Variants in SLC4A4 observed in about 807,000 individuals in gnomAD.
SLC4A4 encodes the protein solute carrier family 4 member 4.
SLC4A4 carries 27 observed loss-of-function variants against 111.5 expected under a neutral mutation model. That is an observed-to-expected ratio of 0.24 (90% CI 0.18 to 0.33). The LOEUF (loss-of-function observed/expected upper bound fraction) is 0.33. SLC4A4 is among the 10% of genes least tolerant of loss of function. The pLI is 1.00. For synonymous variants in SLC4A4, 443 were observed against 463.4 expected (o/e 0.96, Z 0.57); for missense variants, 909 against 1,315.5 (o/e 0.69, Z 4.78).
chr4:71,157,562 T>C (rs1201537482), intron 2 of SLC4A4, among the ~76,000 whole-genome samples: 1 of 151,282 alleles, frequency 6.6e-6, no homozygotes, highest in Non-Finnish European at 1.5e-5. Flanking sequence ...TATTTTTGCA[T>C]ACATTATAGA....
At chr4:71,151,701 T>C (rs903113992) in intron 2 of SLC4A4, among the ~76,000 whole-genome samples, 6 of 151,284 alleles carry the variant, frequency 4.0e-5, no homozygotes, top group East Asian at 1.9e-4. Flanking sequence ...GGAGGATCAC[T>C]TGACCCCGGG....
chr4:71,131,402 T>G (rs1455413450), intron 2 of SLC4A4, among the ~76,000 whole-genome samples: 1 of 152,204 alleles, frequency 6.6e-6, no homozygotes, highest in Non-Finnish European at 1.5e-5. Flanking sequence ...CACTGGGAAC[T>G]GCGTGACTTA....
intron 2 of SLC4A4, among the ~76,000 whole-genome samples, chr4:71,113,703 G>A (rs138822255): frequency 5.3e-4 from 80 of 152,246 alleles, no homozygotes; most frequent in African/African-American, 1.8e-3. Context: ...GATTCACCGG[G>A]TTAGGGGTCT....
rs185412592 is a variant in SLC4A4 at position 71,093,031 on chromosome 4, G to A, written c.-2+239G>A. Among the ~76,000 whole-genome samples, 680 of 149,624 alleles carry A rather than the reference G, an allele frequency of 4.5e-3. 7 individuals are homozygous for A. The highest frequency in any genetic ancestry group is 0.016 in the African/African-American group (647 of 40,156). The stretch of plus-strand genomic sequence containing the variant: ...AATCACTTGAACTCAGGAGGCGGAG[G>A]TTGCAGTGAACCGAGATCACGCCAC... On this transcript the variant is annotated intron_variant, in intron 2 of 26. Transcript: ENST00000649996.
chr4:71,465,561 C>T (rs961419220), intron 12 of SLC4A4, among the ~76,000 whole-genome samples: 1 of 150,946 alleles, frequency 6.6e-6, no homozygotes, highest in African/African-American at 2.4e-5. Flanking sequence ...AACCTAACTA[C>T]TAACTAAACT....
intron 2 of SLC4A4, among the ~76,000 whole-genome samples, chr4:71,129,021 A>T (rs755701827): frequency 7.2e-5 from 11 of 152,224 alleles, no homozygotes; most frequent in Non-Finnish European, 1.6e-4. Context: ...GTGGAAGATA[A>T]CCTAGGAAAT....
intron 7 of SLC4A4, among the ~76,000 whole-genome samples, chr4:71,428,761 G>A (rs1296664435): frequency 6.6e-6 from 1 of 151,854 alleles, no homozygotes; most frequent in Non-Finnish European, 1.5e-5. Flanking sequence ...CATGAGGCAG[G>A]GTAAATAGAA....
At chr4:71,070,548 G>A (rs778944667) in intron 1 of SLC4A4, among the ~76,000 whole-genome samples, 1 of 152,182 alleles carries the variant, frequency 6.6e-6, no homozygotes, top group Non-Finnish European at 1.5e-5. Context: ...AAATGAAGGA[G>A]AACTAGAACA....
chr4:71,249,828 G>C (rs1202344997), intron 2 of SLC4A4, among the ~76,000 whole-genome samples: 1 of 151,308 alleles, frequency 6.6e-6, no homozygotes, highest in Non-Finnish European at 1.5e-5. Context: ...AGGCTGCAGT[G>C]AGCCGAGATC....
intron 3 of SLC4A4, among the ~76,000 whole-genome samples, chr4:71,336,323 C>T (rs941783130): frequency 1.3e-5 from 2 of 152,274 alleles, no homozygotes; most frequent in African/African-American, 4.8e-5. Context: ...TTATGCAAAA[C>T]AATCCTAATA....
intron 23 of SLC4A4, among the ~76,000 whole-genome samples, chr4:71,562,978 A>G (rs1737130204): frequency 6.6e-6 from 1 of 151,650 alleles, no homozygotes; most frequent in Admixed American, 6.6e-5. Context: ...TTTAATTAAG[A>G]GATATATTGG....
intron 2 of SLC4A4, among the ~76,000 whole-genome samples, chr4:71,237,423 AG>A (rs941918721): frequency 6.6e-6 from 1 of 152,224 alleles, no homozygotes; most frequent in Non-Finnish European, 1.5e-5. Context: ...TTTAAAAATC[AG>A]GGTTATAGGC....
chr4:71,285,012 G>A (rs547571713), intron 3 of SLC4A4, among the ~76,000 whole-genome samples: 2 of 152,294 alleles, frequency 1.3e-5, no homozygotes, highest in East Asian at 1.9e-4. Context: ...TCCTGTAGCA[G>A]TAGATTACAG....
At chr4:71,533,553 G>A (rs1368062571) in intron 17 of SLC4A4, among the ~76,000 whole-genome samples, 1 of 151,832 alleles carries the variant, frequency 6.6e-6, no homozygotes, top group Non-Finnish European at 1.5e-5. Context: ...ATCTACTGAT[G>A]GAAAACAGAC....
intron 12 of SLC4A4, among the ~76,000 whole-genome samples, chr4:71,459,595 T>C (rs1726628691): frequency 6.6e-6 from 1 of 152,086 alleles, no homozygotes; most frequent in South Asian, 2.1e-4. Flanking sequence ...GAGCCCCTCT[T>C]AGTGGACTTT....
At chr4:71,271,500 G>A (rs1722697889) in intron 3 of SLC4A4, among the ~76,000 whole-genome samples, 1 of 152,150 alleles carries the variant, frequency 6.6e-6, no homozygotes. Context: ...AAACCAGGGA[G>A]AACACACAAT....
At chr4:71,067,707 C>T (rs1274128423) in intron 1 of SLC4A4, among the ~76,000 whole-genome samples, 2 of 151,908 alleles carry the variant, frequency 1.3e-5, no homozygotes, top group African/African-American at 4.8e-5. Flanking sequence ...CAGGATAGTT[C>T]TTCTTAAATT....
intron 3 of SLC4A4, among the ~76,000 whole-genome samples, chr4:71,305,428 G>A (rs901254393): frequency 3.3e-5 from 5 of 152,186 alleles, no homozygotes; most frequent in African/African-American, 7.2e-5. Flanking sequence ...GTATGCAATG[G>A]CACCTGTTTA....
intron 1 of SLC4A4, among the ~76,000 whole-genome samples, chr4:71,200,324 A>C (rs185524644): frequency 6.6e-6 from 1 of 152,312 alleles, no homozygotes; most frequent in East Asian, 1.9e-4. Context: ...TTTTCTGATA[A>C]TTGAAGCTTA....
Sources: allele counts gnomAD v4.1 joint callset (sites outside exome capture counted in the v4.1 genomes callset), GRCh38; gene constraint gnomAD v4.1.1; transcripts MANE v1.5; gene names NCBI Gene and HGNC (gene_info 2026-07-23, HGNC 2026-07-21).